The following APAF1 variants were observed in gnomAD, a reference collection of about 807,000 sequenced individuals.
APAF1 encodes the protein apoptotic protease-activating factor 1.
APAF1 carries 91 observed loss-of-function variants against 152.4 expected under a neutral mutation model. The observed-to-expected ratio is 0.60, with a 90% CI of 0.50 to 0.71. The LOEUF is 0.71. Among genes scored for constraint, APAF1 ranks in the 30% least tolerant of loss-of-function variants. The probability of loss-of-function intolerance (pLI) is 0.00; values close to 1 mark genes in which losing one functional copy is unlikely to be tolerated. For synonymous variants in APAF1, 484 were observed against 494.1 expected (o/e 0.98, Z 0.27); for missense variants, 1,283 against 1,472.0 (o/e 0.87, Z 2.10).
rs779532810 is a variant in APAF1, at chr12:98,723,743, C to T, written c.3309C>T (p.Thr1103=). 1 of 1,613,738 alleles carries T rather than the reference C, an allele frequency of 6.2e-7. No homozygotes were observed. Among genetic ancestry groups the T allele is most frequent in the Admixed American group, 1.7e-5 (1 of 60,006 alleles). ...ISHDATKFSS[T]SADKTAKIWS... is the part of the protein sequence containing the mutation. ...ACGATGCTACCAAGTTTTCATCTACCTCTGCTGACAAGACTGCAAAGGTAG... is the reference window on the plus strand; with the variant it reads ...ACGATGCTACCAAGTTTTCATCTACTTCTGCTGACAAGACTGCAAAGGTAG... Residue 1103 remains threonine (T), a synonymous_variant, in exon 24 of 27, where the codon ACC becomes ACT. Transcript: ENST00000551964.
chr12:98,652,800 AT>A (rs1395505364), intron 4 of APAF1, among the ~76,000 whole-genome samples: 1 of 151,602 alleles, frequency 6.6e-6, no homozygotes, highest in Non-Finnish European at 1.5e-5. Flanking sequence ...CTAATTTTGT[AT>A]TTTTAGTAGA....
intron 21 of APAF1, 111 bp from the exon 22 acceptor site, chr12:98,715,316 C>A: frequency 1.4e-6 from 1 of 712,104 alleles, no homozygotes. Context: ...CTGGAAGCAC[C>A]AGATGGAAAT....
Position 98,666,222 on chromosome 12 carries a change from A to C in APAF1, c.1227A>C (p.Glu409Asp), listed in dbSNP as rs2097672557. Reference protein sequence around the residue: ...VLCILWDMETEEVEDILQEFV... With the variant: ...VLCILWDMETDEVEDILQEFV... ...GTATTCTCTGGGACATGGAAACTGA[A>C]GAAGTTGAAGACATACTGCAGGAGT... Residue 409 changes from glutamate to aspartate, a missense_variant, in exon 9 of 27, where the codon GAA becomes GAC. Coordinates refer to ENST00000551964, the MANE Select transcript of APAF1 (RefSeq NM_181861.2). 1 of 1,613,910 alleles carries C rather than the reference A, an allele frequency of 6.2e-7. No homozygotes were observed. Among genetic ancestry groups the C allele is most frequent in the Admixed American group, 1.7e-5 (1 of 60,000 alleles).
intron 4 of APAF1, among the ~76,000 whole-genome samples, chr12:98,656,159 C>T (rs1055672743): frequency 6.6e-6 from 1 of 152,092 alleles, no homozygotes; most frequent in African/African-American, 2.4e-5. Flanking sequence ...AAATTCTGGG[C>T]TCAAGCAGTC....
At chr12:98,713,326 C>T (rs1041345228) in intron 21 of APAF1, among the ~76,000 whole-genome samples, 7 of 152,154 alleles carry the variant, frequency 4.6e-5, no homozygotes, top group South Asian at 2.1e-4. Flanking sequence ...ATCAAGATTT[C>T]GCTAACTATG....
Position 98,723,674 on chromosome 12 carries a change from CTT to C in APAF1, c.3242_3243del (p.Phe1081CysfsTer11). On this transcript the variant is annotated frameshift_variant, in exon 24 of 27. Coordinates refer to ENST00000551964, the MANE Select transcript of APAF1 (RefSeq NM_181861.2). LOFTEE classifies it high-confidence loss of function. ...NIITGNKEKD[F>X]VCHQGTVLSC... ...TTATTACTGGAAATAAAGAAAAAGA[CTT>C]TGTCTGTCACCAGGGTACAGTACTT... 2 of 1,570,750 alleles carry C rather than the reference CTT, an allele frequency of 1.3e-6. No individual in the cohort carries two copies. Among genetic ancestry groups the C allele is most frequent in the Middle Eastern group, 1.7e-4 (1 of 5,916 alleles).
rs901913342 is a variant in APAF1, at chr12:98,649,473, G to A, written c.329-14G>A. 1.2e-6 allele frequency: 2 copies of A among 1,613,472 alleles called. No homozygotes were observed. The highest frequency in any genetic ancestry group is 2.7e-5 in the African/African-American group (2 of 74,912). ...AGTTCTATTCATTCATGCTTGTTTT[G>A]TTTTGGATTTTAGTAAGGACAGTCC... On this transcript the variant is annotated splice_polypyrimidine_tract_variant and intron_variant, in intron 3 of 26. Transcript: ENST00000551964.
intron 23 of APAF1, 117 bp downstream of exon 23, chr12:98,723,429 C>T (rs992215840): frequency 5.8e-6 from 7 of 1,209,476 alleles, no homozygotes; most frequent in South Asian, 1.3e-5. Context: ...TTTAATTTTT[C>T]TCATGCTTGT....
At chr12:98,704,838 G>A (rs922374479) in intron 18 of APAF1, among the ~76,000 whole-genome samples, 1 of 152,158 alleles carries the variant, frequency 6.6e-6, no homozygotes, top group Non-Finnish European at 1.5e-5. Flanking sequence ...GCAGTGTAGT[G>A]TTGTAATCTC....
chr12:98,687,689 C>T (rs1162077098), intron 16 of APAF1, among the ~76,000 whole-genome samples: 1 of 152,132 alleles, frequency 6.6e-6, no homozygotes, highest in African/African-American at 2.4e-5. Context: ...ATGACCTAAT[C>T]ACTTTTGAAG....
chr12:98,679,844 C>T (rs905223969), intron 13 of APAF1, among the ~76,000 whole-genome samples: 5 of 152,400 alleles, frequency 3.3e-5, no homozygotes, highest in African/African-American at 1.2e-4. Context: ...TGCGCAGTGG[C>T]TGGACCCCAC....
In APAF1 at chr12:98,665,537, C is replaced by A. The variant is rs1283408698; in HGVS notation, c.956-16C>A. The A allele has an allele frequency of 6.5e-6, 10 of 1,532,514 alleles. No individual in the cohort carries two copies. The highest frequency in any genetic ancestry group is 7.2e-6 in the Non-Finnish European group (8 of 1,106,522). The allele number at this position is 1,532,514 out of a possible 1,614,324, so 94.9% of individuals were successfully genotyped here. A position where few individuals can be genotyped will look rare whatever the true frequency, so the allele number is the denominator to read the frequency against. On this transcript the variant is annotated splice_polypyrimidine_tract_variant and intron_variant, in intron 7 of 26. Coordinates refer to ENST00000551964, the MANE Select transcript of APAF1 (RefSeq NM_181861.2). The stretch of plus-strand genomic sequence containing the variant: ...TAGGATGGTATTAGCATAGTGACTT[C>A]ATTTTTTTTTTAAAGGCTCTCCCCT...
At chr12:98,679,015 G>T (rs1844260508) in intron 13 of APAF1, among the ~76,000 whole-genome samples, 1 of 152,200 alleles carries the variant, frequency 6.6e-6, no homozygotes, top group African/African-American at 2.4e-5. Flanking sequence ...CACCAATGAG[G>T]CCCCACCTTC....
rs915510358 is a variant in APAF1 at position 98,655,538 on chromosome 12, G to A, written c.527-3622G>A. 2.4e-4 allele frequency among the ~76,000 whole-genome samples: 36 copies of A among 152,278 alleles called. 1 individual carries two copies. The highest frequency in any genetic ancestry group is 2.0e-3 in the Admixed American group (30 of 15,300). ...TCACTTCCCAGTAGGGGCGGCCGTAGTATTTTCATTTAAAAAGAAAAAGAA... is the reference window on the plus strand; with the variant it reads ...TCACTTCCCAGTAGGGGCGGCCGTAATATTTTCATTTAAAAAGAAAAAGAA... On this transcript the variant is annotated intron_variant, in intron 4 of 26. Coordinates refer to ENST00000551964, the MANE Select transcript of APAF1 (RefSeq NM_181861.2).
intron 22 of APAF1, among the ~76,000 whole-genome samples, chr12:98,721,454 C>T (rs576153636): frequency 7.2e-5 from 11 of 152,238 alleles, no homozygotes; most frequent in East Asian, 1.9e-4. Context: ...GCCCAGAAAG[C>T]GGGAGGAGAG....
At chr12:98,723,578 T>C in intron 23 of APAF1, 61 bp from the exon 24 acceptor site, 1 of 1,462,820 alleles carries the variant, frequency 6.8e-7, no homozygotes, top group Non-Finnish European at 9.4e-7. Context: ...CTGATTATGC[T>C]TTTTAATATA....
In APAF1 at chr12:98,683,222, A is replaced by G. The variant is rs2097694370; in HGVS notation, c.2126A>G (p.Asn709Ser). The change falls in exon 15 of 27, where the codon AAC becomes AGC. Residue 709 changes from asparagine to serine, a missense_variant. Transcript: ENST00000551964. ...CAAGTCAATTGCTGCCATTTCACCA[A>G]CAGTAGTCATCATCTTCTCTTAGCC... ...SEQVNCCHFT[N>S]SSHHLLLATG... 1 of 1,613,794 alleles carries G rather than the reference A, an allele frequency of 6.2e-7. No individual in the cohort carries two copies. The highest frequency in any genetic ancestry group is 1.1e-5 in the South Asian group (1 of 91,086).
At chr12:98,670,242 C>T (rs1246745725) in intron 10 of APAF1, among the ~76,000 whole-genome samples, 1 of 152,142 alleles carries the variant, frequency 6.6e-6, no homozygotes, top group Non-Finnish European at 1.5e-5. Context: ...CTGTGCTCAG[C>T]CCCAGCTAAT....
At chr12:98,649,426 A>G in intron 3 of APAF1, 61 bp from the exon 4 acceptor site, 1 of 1,560,784 alleles carries the variant, frequency 6.4e-7, no homozygotes, top group Non-Finnish European at 8.8e-7. Flanking sequence ...TTTTTATGGT[A>G]TTACTTCAGT....
Sources: allele counts gnomAD v4.1 joint callset (sites outside exome capture counted in the v4.1 genomes callset), GRCh38; gene constraint gnomAD v4.1.1; transcripts MANE v1.5; gene names NCBI Gene and HGNC (gene_info 2026-07-23, HGNC 2026-07-21).